The following ARHGEF28 variants were observed in gnomAD, a reference collection of about 807,000 sequenced individuals.
ARHGEF28 encodes Rho guanine nucleotide exchange factor 28, also known as 190 kDa guanine nucleotide exchange factor.
Under a neutral mutation model 206.6 loss-of-function variants are expected in ARHGEF28, and 152 were observed. The observed-to-expected ratio is 0.74, with a 90% CI of 0.64 to 0.84. ARHGEF28 has a LOEUF of 0.84. Ranked by LOEUF, ARHGEF28 falls within the 40% of genes least tolerant of loss-of-function variation. The pLI, the probability that ARHGEF28 is intolerant of heterozygous loss-of-function variation, is 0.00. For synonymous variants in ARHGEF28, 763 were observed against 776.4 expected (o/e 0.98, Z 0.29); for missense variants, 2,028 against 2,073.2 (o/e 0.98, Z 0.42).
intron 14 of ARHGEF28, among the ~76,000 whole-genome samples, chr5:73,853,006 T>C (rs1397102959): frequency 1.3e-5 from 2 of 152,218 alleles, no homozygotes; most frequent in African/African-American, 4.8e-5. Context: ...TCTCCAGCTC[T>C]ATTCCACCAT....
chr5:73,797,065 A>G (rs1357335935), intron 9 of ARHGEF28, among the ~76,000 whole-genome samples: 1 of 152,260 alleles, frequency 6.6e-6, no homozygotes, highest in Admixed American at 6.5e-5. Flanking sequence ...CGGAAATTGT[A>G]GTAGTCTGAC....
Position 73,749,910 on chromosome 5 carries a change from A to G in ARHGEF28, c.107A>G (p.Tyr36Cys), listed in dbSNP as rs1751936759. ...GAAGATGCTGAGTTTTACTTTACTT[A>G]TGACGGATCTCATCAGCGACATGTC... ...LPEDAEFYFT[Y>C]DGSHQRHVMI... The change falls in exon 3 of 36, where the codon TAT becomes TGT. Residue 36 changes from tyrosine (Y) to cysteine (C), a missense_variant. This residue lies in a region of ARHGEF28 where 1,002 missense variants were observed against 1,015.3 expected (regional missense o/e 0.99). Transcript: ENST00000513042. 6.2e-7 allele frequency: 1 copy of G among 1,613,916 alleles called. No individual in the cohort carries two copies. The highest frequency in any genetic ancestry group is 1.1e-5 in the South Asian group (1 of 91,082).
chr5:73,752,984 C>G lies in ARHGEF28; in HGVS notation c.257C>G (p.Ser86Cys). ...SEGYSPVTMG[S>C]GSVTYVDNMA... ...GGTTACTCTCCGGTGACCATGGGCT[C>G]TGGCTCAGTGACCTACGTGGACAAC... The change falls in exon 4 of 36, where the codon TCT (serine) becomes TGT (cysteine). Residue 86 changes from serine to cysteine, a missense_variant. Coordinates refer to ENST00000513042, the MANE Select transcript of ARHGEF28 (RefSeq NM_001177693.2). The G allele has an allele frequency of 6.2e-7, 1 of 1,613,788 alleles. No individual in the cohort carries two copies. Among genetic ancestry groups the G allele is most frequent in the South Asian group, 1.1e-5 (1 of 90,978 alleles).
At chr5:73,923,096 T>A in intron 35 of ARHGEF28, 1 of 1,535,742 alleles carries the variant, frequency 6.5e-7, no homozygotes, top group Non-Finnish European at 8.7e-7. Flanking sequence ...GGCTCCAGTA[T>A]GACAAAGTGC....
At position 73,902,235 on chromosome 5, in the gene ARHGEF28, A is replaced by G. The variant is rs1007839966; in HGVS notation, c.4074+951A>G. 3.9e-5 allele frequency: 6 copies of G among 152,362 alleles called. No individual in the cohort carries two copies. The South Asian group carries it at 1.2e-3, about 32-fold the overall frequency. 9.4% of individuals were successfully genotyped at this position (152,362 alleles called of 1,614,324 possible). ...TTAAACTTCAGAGGCCAAAATGAGC[A>G]TAGGAATGTAATATTTTACTCCTTC... On this transcript the variant is annotated intron_variant, in intron 31 of 35. Transcript: ENST00000513042.
chr5:73,933,933 T>TC (rs66720009), intron 35 of ARHGEF28, among the ~76,000 whole-genome samples: 1 of 141,826 alleles, frequency 7.1e-6, no homozygotes, highest in South Asian at 2.1e-4. Flanking sequence ...TTTTTTTTTT[T>TC]CCCCCTCAGT....
intron 16 of ARHGEF28, among the ~76,000 whole-genome samples, chr5:73,863,830 C>T (rs965060354): frequency 5.3e-5 from 8 of 151,944 alleles, no homozygotes; most frequent in Admixed American, 3.3e-4. Flanking sequence ...GCTTATCAGC[C>T]GGGCCAATGC....
chr5:73,802,870 C>CTG (rs561505395), intron 9 of ARHGEF28, among the ~76,000 whole-genome samples: 1,408 of 122,144 alleles, frequency 0.012, 6 homozygotes, highest in East Asian at 0.03. Flanking sequence ...AGCTCGATTG[C>CTG]TGTGTGTGTG....
chr5:73,741,569 G>A (rs955880923), intron 2 of ARHGEF28, among the ~76,000 whole-genome samples: 29 of 150,812 alleles, frequency 1.9e-4, no homozygotes, highest in East Asian at 1.4e-3. Flanking sequence ...ATAGGTGTGC[G>A]CCACCAAGCC....
At chr5:73,734,352 G>A (rs1014593212) in intron 2 of ARHGEF28, among the ~76,000 whole-genome samples, 2 of 152,158 alleles carry the variant, frequency 1.3e-5, no homozygotes, top group African/African-American at 2.4e-5. Context: ...AGCTGGGGTT[G>A]GGATGAGCAG....
intron 16 of ARHGEF28, among the ~76,000 whole-genome samples, chr5:73,860,220 T>C (rs1000756197): frequency 3.3e-5 from 5 of 152,242 alleles, no homozygotes; most frequent in African/African-American, 7.2e-5. Flanking sequence ...TCCAATCTTA[T>C]GTCCAAAATA....
chr5:73,712,797 C>T (rs1476902016), intron 2 of ARHGEF28, among the ~76,000 whole-genome samples: 1 of 152,102 alleles, frequency 6.6e-6, no homozygotes, highest in African/African-American at 2.4e-5. Context: ...GGCTCATAAC[C>T]TAGTTCATGA....
chr5:73,701,643 A>G (rs113120923), intron 2 of ARHGEF28, among the ~76,000 whole-genome samples: 4 of 152,056 alleles, frequency 2.6e-5, no homozygotes, highest in African/African-American at 9.6e-5. Context: ...CCTGACAACC[A>G]TTAATCTGTT....
chr5:73,721,576 G>A (rs1749949004), intron 2 of ARHGEF28, among the ~76,000 whole-genome samples: 2 of 151,990 alleles, frequency 1.3e-5, no homozygotes, highest in African/African-American at 4.8e-5. Flanking sequence ...TAGGCTAGCT[G>A]AATTTTTTTT....
chr5:73,655,633 A>G (rs1218722640), intron 1 of ARHGEF28, among the ~76,000 whole-genome samples: 3 of 152,200 alleles, frequency 2.0e-5, no homozygotes, highest in Non-Finnish European at 2.9e-5. Context: ...GTGTGTAGGC[A>G]GTGGAAAATA....
In ARHGEF28 at chr5:73,860,245, G is replaced by A. The variant is rs564049615; in HGVS notation, c.2047+2026G>A. Among the ~76,000 whole-genome samples, 19 of 152,200 alleles carry A rather than the reference G, an allele frequency of 1.2e-4. No homozygotes were observed. The South Asian group carries it at 1.9e-3, about 15-fold the overall frequency. ...TGTCCAAAATATCATATTTAGACCCGTTACTCCTGTATTAATATCTTCTTT... is the reference window on the plus strand; with the variant it reads ...TGTCCAAAATATCATATTTAGACCCATTACTCCTGTATTAATATCTTCTTT... On this transcript the variant is annotated intron_variant, in intron 16 of 35. Coordinates refer to ENST00000513042, the MANE Select transcript of ARHGEF28 (RefSeq NM_001177693.2).
At chr5:73,847,637 T>C (rs1758446484) in intron 12 of ARHGEF28, among the ~76,000 whole-genome samples, 1 of 152,240 alleles carries the variant, frequency 6.6e-6, no homozygotes, top group African/African-American at 2.4e-5. Context: ...TAATCCAGTC[T>C]CTTGAAACAG....
chr5:73,706,957 C>G (rs1748972700), intron 2 of ARHGEF28, among the ~76,000 whole-genome samples: 1 of 152,200 alleles, frequency 6.6e-6, no homozygotes, highest in Admixed American at 6.5e-5. Context: ...GGTACCCTAC[C>G]TTGTTCTAGA....
At chr5:73,639,458 A>G (rs1423684863) in intron 1 of ARHGEF28, among the ~76,000 whole-genome samples, 1 of 151,890 alleles carries the variant, frequency 6.6e-6, no homozygotes, top group Non-Finnish European at 1.5e-5. Flanking sequence ...AAATGTGTGT[A>G]TGTATACATA....
Sources: allele counts gnomAD v4.1 joint callset (sites outside exome capture counted in the v4.1 genomes callset), GRCh38; gene constraint gnomAD v4.1.1; regional missense constraint gnomAD v4.1.1; transcripts MANE v1.5; gene names NCBI Gene and HGNC (gene_info 2026-07-23, HGNC 2026-07-21).